IRAG2: variants seen among roughly 807,000 people sequenced by gnomAD.
IRAG2 encodes inositol 1,4,5-triphosphate receptor associated 2.
A neutral mutation model predicts 69.9 loss-of-function variants in IRAG2; 45 were observed. The observed-to-expected ratio is 0.64, with a 90% CI of 0.51 to 0.83. The LOEUF is 0.83. Among genes scored for constraint, IRAG2 ranks in the 40% least tolerant of loss-of-function variants. IRAG2 has a pLI of 0.00. For missense variants in IRAG2, 520 were observed against 587.0 expected (o/e 0.89, Z 1.18); for synonymous variants, 193 against 202.4 (o/e 0.95, Z 0.40).
upstream of IRAG2, among the ~76,000 whole-genome samples, chr12:25,047,665 T>C (rs140606018): frequency 2.0e-5 from 3 of 152,222 alleles, no homozygotes; most frequent in East Asian, 5.8e-4. Flanking sequence ...AATGTGTCCA[T>C]GTGTTCTCAT....
chr12:25,036,932 G>GA (rs56162194), intron 15 of IRAG2, among the ~76,000 whole-genome samples: 2 of 151,812 alleles, frequency 1.3e-5, no homozygotes, highest in East Asian at 3.9e-4. Context: ...ATGATTTAAT[G>GA]AAAAAAATGC....
At chr12:25,052,496 A>G (rs1168763642), upstream of IRAG2, 1 of 396,926 alleles carries the variant, frequency 2.5e-6, no homozygotes, top group Non-Finnish European at 4.4e-6. Flanking sequence ...AGCGACTAAC[A>G]GTGAGCAGAG....
At chr12:25,089,926 C>A (rs1192550030) in intron 13 of IRAG2, 131 bp from the exon 14 acceptor site, 2 of 1,277,488 alleles carry the variant, frequency 1.6e-6, no homozygotes, top group African/African-American at 3.0e-5. Flanking sequence ...GCAGGTGAAC[C>A]CTGTGCATGT....
In IRAG2 at chr12:25,066,397, C is replaced by T; in HGVS notation, c.-174C>T. ...ATCTCTGGATAGTTTTACAGCAGTT[C>T]CAACCCTGGAATCAACACCTTTCTC... On this transcript the variant is annotated 5_prime_UTR_variant, in exon 5 of 22. Coordinates refer to ENST00000556887, the MANE Select transcript of IRAG2 (RefSeq NM_001366544.2). 2.5e-6 allele frequency: 1 copy of T among 401,054 alleles called. No individual in the cohort carries two copies. The highest frequency in any genetic ancestry group is 4.4e-6 in the Non-Finnish European group (1 of 226,210). 24.8% of individuals were successfully genotyped at this position (401,054 alleles called of 1,614,324 possible).
intron 2 of IRAG2, among the ~76,000 whole-genome samples, chr12:25,009,036 C>T (rs939659215): frequency 9.2e-5 from 14 of 152,088 alleles, no homozygotes; most frequent in African/African-American, 3.4e-4. Context: ...GACATGGTAG[C>T]TCATGCCTGT....
At chr12:25,051,348 A>C (rs893280366), upstream of IRAG2, among the ~76,000 whole-genome samples, 15 of 152,158 alleles carry the variant, frequency 9.9e-5, no homozygotes, top group South Asian at 4.1e-4. Context: ...GCCAGTGTGC[A>C]GTGGCATTCT....
chr12:25,052,489 G>A (rs1017330534), upstream of IRAG2: 16 of 396,550 alleles, frequency 4.0e-5, no homozygotes, highest in Non-Finnish European at 6.7e-5. Flanking sequence ...AGTCCCTAGC[G>A]ACTAACAGTG....
In IRAG2 at chr12:25,012,143, C is replaced by CTTTTTTTTTTTTT. The variant is rs1944480147; in HGVS notation, c.896+592_896+593insTTTTTTTTTTTTT. ...GTCTTCTTCCACAGAAAGCGAATTC[C>CTTTTTTTTTTTTT]CTTTTTTTTTTTTTTTTTTTTTTTT... is the stretch of plus-strand genomic sequence containing the variant. On this transcript the variant is annotated intron_variant, in intron 3 of 38. Coordinates refer to the IRAG2 transcript ENST00000636465. Among the ~76,000 whole-genome samples the CTTTTTTTTTTTTT allele has an allele frequency of 5.0e-4, 12 of 24,096 alleles. 6 individuals carry two copies. The highest frequency in any genetic ancestry group is 3.0e-4 in the African/African-American group (4 of 13,162). The allele number at this position is 24,096 out of a possible 152,430, so 15.8% of individuals were successfully genotyped here. A position where few individuals can be genotyped will look rare whatever the true frequency, so the allele number is the denominator to read the frequency against.
chr12:25,043,396 C>T (rs984402468), intron 16 of IRAG2, among the ~76,000 whole-genome samples: 1 of 152,108 alleles, frequency 6.6e-6, no homozygotes, highest in Non-Finnish European at 1.5e-5. Flanking sequence ...CTAATGGGAC[C>T]TGGCATACTC....
chr12:25,010,554 T>A (rs1339310019), intron 2 of IRAG2, among the ~76,000 whole-genome samples: 2 of 152,212 alleles, frequency 1.3e-5, no homozygotes, highest in Non-Finnish European at 2.9e-5. Context: ...CACATCTAAA[T>A]GACATGTTAA....
At chr12:25,047,001 G>T (rs532518479) in intron 16 of IRAG2, among the ~76,000 whole-genome samples, 6 of 152,226 alleles carry the variant, frequency 3.9e-5, no homozygotes, top group Admixed American at 3.9e-4. Context: ...TGAAACAGAA[G>T]AGAGAGCCTA....
chr12:25,006,898 G>A (rs2139815596), intron 2 of IRAG2, among the ~76,000 whole-genome samples: 1 of 152,198 alleles, frequency 6.6e-6, no homozygotes, highest in East Asian at 1.9e-4. Context: ...GTAATTTTAA[G>A]TATATAAATG....
At chr12:25,048,054 T>C (rs996534403), upstream of IRAG2, among the ~76,000 whole-genome samples, 2 of 152,216 alleles carry the variant, frequency 1.3e-5, no homozygotes, top group Non-Finnish European at 2.9e-5. Context: ...CCTTCCACAA[T>C]GGAGGAACTA....
chr12:25,052,700 A>G (rs947684526), upstream of IRAG2: 1 of 397,892 alleles, frequency 2.5e-6, no homozygotes, highest in African/African-American at 2.1e-5. Flanking sequence ...AGAAAAACAC[A>G]TTTTCAGTTT....
intron 16 of IRAG2, among the ~76,000 whole-genome samples, chr12:25,046,913 C>A (rs1234619986): frequency 6.6e-6 from 1 of 152,120 alleles, no homozygotes; most frequent in Non-Finnish European, 1.5e-5. Flanking sequence ...CATTACCGTT[C>A]CTGATTTCAA....
rs191274551 is a variant in IRAG2 at position 25,055,024 on chromosome 12, A to T, written c.-447+2068A>T. 1.9e-3 allele frequency among the ~76,000 whole-genome samples: 291 copies of T among 152,326 alleles called. 2 individuals carry two copies. The highest frequency in any genetic ancestry group is 2.9e-3 in the Non-Finnish European group (198 of 68,020). On this transcript the variant is annotated intron_variant, in intron 1 of 21. Transcript: ENST00000556887. ...CTGAGTCAGAAAACAAAACATATTTATATCTATTTAGCTTTTCTGAAACTC... is the reference window on the plus strand; with the variant it reads ...CTGAGTCAGAAAACAAAACATATTTTTATCTATTTAGCTTTTCTGAAACTC...
intron 6 of IRAG2, among the ~76,000 whole-genome samples, chr12:25,074,636 A>C (rs893213705): frequency 1.3e-5 from 2 of 152,192 alleles, no homozygotes; most frequent in Admixed American, 1.3e-4. Context: ...AAAACCTCAA[A>C]AAGAAAATTA....
At chr12:25,049,289 T>C (rs1291106624), upstream of IRAG2, among the ~76,000 whole-genome samples, 1 of 152,226 alleles carries the variant, frequency 6.6e-6, no homozygotes, top group Non-Finnish European at 1.5e-5. Flanking sequence ...AGAATGCCAA[T>C]GGCAGTTTAA....
At chr12:25,073,321 C>G (rs549594085) in intron 6 of IRAG2, among the ~76,000 whole-genome samples, 22 of 152,228 alleles carry the variant, frequency 1.4e-4, no homozygotes, top group African/African-American at 5.3e-4. Context: ...CATGTAGCAC[C>G]CTGCATAGGA....
Sources: allele counts gnomAD v4.1 joint callset (sites outside exome capture counted in the v4.1 genomes callset), GRCh38; gene constraint gnomAD v4.1.1; transcripts MANE v1.5; gene names NCBI Gene and HGNC (gene_info 2026-07-23, HGNC 2026-07-21).